Variants in FAR1 observed in about 807,000 individuals in gnomAD.
FAR1 encodes fatty acyl-CoA reductase 1.
Under a neutral mutation model 61.1 loss-of-function variants are expected in FAR1, and 22 were observed. The observed-to-expected ratio is 0.36, with a 90% confidence interval of 0.26 to 0.51. The LOEUF (loss-of-function observed/expected upper bound fraction) is 0.51, where lower values mean the gene tolerates loss of function less well. Among genes scored for constraint, FAR1 ranks in the 20% least tolerant of loss-of-function variants. The probability of loss-of-function intolerance (pLI) is 0.95; values close to 1 mark genes in which losing one functional copy is unlikely to be tolerated. For missense variants in FAR1, 359 were observed against 626.9 expected, an observed-to-expected ratio of 0.57 and a Z score of 4.56; for synonymous variants, 206 against 209.7, an observed-to-expected ratio of 0.98 and a Z score of 0.15.
At chr11:13,674,898 C>T (rs1848049501) in intron 1 of FAR1, among the ~76,000 whole-genome samples, 1 of 152,130 alleles carries the variant, frequency 6.6e-6, no homozygotes, top group Admixed American at 6.5e-5. Flanking sequence ...AGCCCTCTTA[C>T]TAGTAGGAGA....
rs929074516 is a variant in FAR1, at chr11:13,710,712, G to A, written c.565G>A (p.Val189Ile). ...DSLEWMDDGL[V>I]NDITPKLIGD... ...TACCAGGTGGATGGATGATGGCCTA[G>A]TAAATGATATCACGCCAAAATTGAT... The change falls in exon 5 of 12, where the codon GTA becomes ATA. Residue 189 changes from valine (V) to isoleucine (I), a missense_variant. Around this residue, in one of 2 missense-constraint regions of FAR1, gnomAD observed 344 missense variants for 570.3 expected, o/e 0.60. Transcript: ENST00000354817. The A allele has an allele frequency of 3.8e-6, 6 of 1,595,472 alleles. No homozygotes were observed. Among genetic ancestry groups the A allele is most frequent in the Non-Finnish European group, 5.1e-6 (6 of 1,175,176 alleles).
At chr11:13,692,968 A>C (rs1485651648) in intron 1 of FAR1, among the ~76,000 whole-genome samples, 1 of 152,130 alleles carries the variant, frequency 6.6e-6, no homozygotes. Context: ...TTGTATTTAT[A>C]ATGGAATAGG....
intron 1 of FAR1, among the ~76,000 whole-genome samples, chr11:13,675,381 G>C (rs181315254): frequency 6.3e-4 from 96 of 152,240 alleles, no homozygotes; most frequent in African/African-American, 2.2e-3. Context: ...GAACATTCAG[G>C]GATAAGGTGA....
In FAR1 at chr11:13,708,447, G is replaced by GCACACACA. The variant is rs61253307; in HGVS notation, c.545+391_545+398dup. On this transcript the variant is annotated intron_variant, in intron 4 of 11. Transcript: ENST00000354817. Reference sequence around the variant, plus strand: ...CCCATATACATGTGCGCGCGCGCGCGCACACACACACACACACACACACAC... The same window carrying GCACACACA: ...CCCATATACATGTGCGCGCGCGCGCGCACACACACACACACACACACACACACACACAC... Among the ~76,000 whole-genome samples the GCACACACA allele has an allele frequency of 6.0e-3, 824 of 136,654 alleles. 7 individuals are homozygous for GCACACACA. Among genetic ancestry groups the GCACACACA allele is most frequent in the African/African-American group, 0.015 (549 of 36,218 alleles). The allele number at this position is 136,654 out of a possible 152,430, so 89.7% of individuals were successfully genotyped here.
At chr11:13,690,985 CATAATATAAA>C (rs1848243244) in intron 1 of FAR1, among the ~76,000 whole-genome samples, 1 of 152,134 alleles carries the variant, frequency 6.6e-6, no homozygotes, top group African/African-American at 2.4e-5. Context: ...ATGAGATTCA[CATAATATAAA>C]ATAACCATTT....
At position 13,703,044 on chromosome 11, in the gene FAR1, A is replaced by G. The variant is rs374336058; in HGVS notation, c.365+2552A>G. ...ACCTAGCCCTTGTCATTACATTGAA[A>G]TTATTTCTGGGAAGCAATTTTAATG... is the stretch of plus-strand genomic sequence containing the variant. On this transcript the variant is annotated intron_variant, in intron 3 of 11. Coordinates refer to ENST00000354817, the MANE Select transcript of FAR1 (RefSeq NM_032228.6). Among the ~76,000 whole-genome samples the G allele has an allele frequency of 3.2e-4, 48 of 152,320 alleles. No individual in the cohort carries two copies. In the South Asian group the frequency reaches 9.5e-3, roughly 30 times the overall value.
intron 10 of FAR1, among the ~76,000 whole-genome samples, chr11:13,722,630 C>T (rs1204947277): frequency 6.6e-6 from 1 of 151,912 alleles, no homozygotes; most frequent in African/African-American, 2.4e-5. Context: ...CATACCACCA[C>T]ACCCAGCTAA....
intron 10 of FAR1, 130 bp from the exon 11 acceptor site, chr11:13,727,426 A>T: frequency 1.4e-6 from 1 of 697,080 alleles, no homozygotes. Context: ...AGATTTCAGA[A>T]GTTAATTCTG....
At chr11:13,686,244 C>T (rs541383836) in intron 1 of FAR1, among the ~76,000 whole-genome samples, 1 of 152,222 alleles carries the variant, frequency 6.6e-6, no homozygotes, top group African/African-American at 2.4e-5. Context: ...TTTTCTTTCC[C>T]TTTCTTCCCT....
chr11:13,709,244 A>G (rs553939566), intron 4 of FAR1, among the ~76,000 whole-genome samples: 1 of 152,078 alleles, frequency 6.6e-6, no homozygotes, highest in Non-Finnish European at 1.5e-5. Context: ...GAGGAAACAG[A>G]TAGATTGTAA....
Position 13,721,927 on chromosome 11 carries a change from C to T in FAR1, c.1257+68C>T, listed in dbSNP as rs1490348029. ...TACTAATTACAGAACTATTAGCAAC[C>T]TGAGAAATATTTTCCACAGCTATTA... On this transcript the variant is annotated intron_variant, in intron 10 of 11. Coordinates refer to ENST00000354817, the MANE Select transcript of FAR1 (RefSeq NM_032228.6). The surrounding 1 kb of genome is among the most constrained non-coding windows in gnomAD (Gnocchi z 4.2). The T allele has an allele frequency of 2.2e-5, 29 of 1,317,224 alleles. No homozygotes were observed. In the East Asian group the frequency reaches 6.8e-4, roughly 31 times the overall value. 81.6% of individuals were successfully genotyped at this position (1,317,224 alleles called of 1,614,324 possible).
chr11:13,690,429 T>G (rs143728668), intron 1 of FAR1, among the ~76,000 whole-genome samples: 1 of 152,232 alleles, frequency 6.6e-6, no homozygotes, highest in Non-Finnish European at 1.5e-5. Context: ...TTTTATGTTC[T>G]GTTTAAGAAA....
At chr11:13,723,529 A>G (rs1041342204) in intron 10 of FAR1, 9 of 310,848 alleles carry the variant, frequency 2.9e-5, no homozygotes, top group African/African-American at 8.9e-5. Context: ...CAGTATCACT[A>G]TGATAGTGGG....
chr11:13,724,747 TTC>T (rs752098621), intron 10 of FAR1, among the ~76,000 whole-genome samples: 3 of 152,192 alleles, frequency 2.0e-5, no homozygotes, highest in African/African-American at 7.2e-5. Flanking sequence ...GGATATTACT[TTC>T]TGTTTTTTCA....
At position 13,694,887 on chromosome 11, in the gene FAR1, A is replaced by G. The variant is rs1192359074; in HGVS notation, c.122A>G (p.Tyr41Cys). 3 of 1,613,958 alleles carry G rather than the reference A, an allele frequency of 1.9e-6. No homozygotes were observed. The highest frequency in any genetic ancestry group is 2.7e-5 in the African/African-American group (2 of 74,912). The change falls in exon 2 of 12, where the codon TAT (tyrosine) becomes TGT (cysteine). Residue 41 changes from tyrosine to cysteine, a missense_variant. Tyr to Cys is a radical substitution (Grantham distance 194). Transcript: ENST00000354817. Reference sequence around the variant, plus strand: ...TCTTGTCCTAAGGTGAATTCAGTATATGTTTTGGTGAGGCAGAAAGCTGGA... The same window carrying G: ...TCTTGTCCTAAGGTGAATTCAGTATGTGTTTTGGTGAGGCAGAAAGCTGGA... ...LRSCPKVNSV[Y>C]VLVRQKAGQT...
chr11:13,719,789 C>T (rs1268359559), intron 9 of FAR1: 2 of 152,060 alleles, frequency 1.3e-5, no homozygotes, highest in Non-Finnish European at 2.9e-5. Context: ...AGATAGCCCT[C>T]CACACGAAAG....
chr11:13,696,275 T>C (rs1326418763), intron 2 of FAR1, among the ~76,000 whole-genome samples: 2 of 152,214 alleles, frequency 1.3e-5, no homozygotes, highest in Non-Finnish European at 2.9e-5. Flanking sequence ...TTATTGTGCC[T>C]GCTTAGTCCT....
intron 10 of FAR1, 135 bp from the exon 11 acceptor site, chr11:13,727,416 AGATTT>A: frequency 1.7e-6 from 1 of 597,796 alleles, no homozygotes. Context: ...ACTAGCGGTA[AGATTT>A]CAGAAGTTAA....
chr11:13,680,760 A>AC (rs1213742834), intron 1 of FAR1, among the ~76,000 whole-genome samples: 1 of 151,658 alleles, frequency 6.6e-6, no homozygotes, highest in Non-Finnish European at 1.5e-5. Context: ...TGACCCAAAC[A>AC]CCTCCCACCA....
Sources: gnomAD v4.1 joint callset for allele counts (sites outside exome capture counted in the v4.1 genomes callset) on GRCh38, gnomAD v4.1.1 for gene constraint, gnomAD v4.1.1 regional missense constraint, Gnocchi (gnomAD v3.1) non-coding constraint, MANE v1.5 for transcripts, NCBI Gene and HGNC (gene_info 2026-07-23, HGNC 2026-07-21) for gene names.